The following BIRC6 variants were observed in gnomAD, a reference collection of about 807,000 sequenced individuals.
BIRC6 encodes dual E2 ubiquitin-conjugating enzyme/E3 ubiquitin-protein ligase BIRC6.
Under a neutral mutation model 503.3 loss-of-function variants are expected in BIRC6, and 98 were observed. The observed-to-expected ratio is 0.19, with a 90% CI of 0.17 to 0.23. BIRC6 has a LOEUF of 0.23. Among genes scored for constraint, BIRC6 ranks in the 10% least tolerant of loss-of-function variants. BIRC6 has a pLI of 1.00. For synonymous variants in BIRC6, 2,240 were observed against 2,078.7 expected (o/e 1.08, Z -2.11); for missense variants, 5,360 against 5,806.0 (o/e 0.92, Z 2.50).
At chr2:32,529,885 A>G (rs1558981946) in intron 60 of BIRC6, 61 bp downstream of exon 60, 12 of 1,095,132 alleles carry the variant, frequency 1.1e-5, no homozygotes, top group Non-Finnish European at 1.3e-5. Flanking sequence ...AGAGATTTCT[A>G]TAGCTAATGA....
At chr2:32,617,326 G>A (rs756617977) in intron 73 of BIRC6, among the ~76,000 whole-genome samples, 4 of 152,128 alleles carry the variant, frequency 2.6e-5, no homozygotes, top group Admixed American at 6.5e-5. Flanking sequence ...ACTTGAACCC[G>A]GGAGGCGGAG....
chr2:32,543,818 C>T (rs1196256279), intron 62 of BIRC6, among the ~76,000 whole-genome samples: 2 of 152,122 alleles, frequency 1.3e-5, no homozygotes, highest in Admixed American at 6.6e-5. Flanking sequence ...TTAGAGCTAC[C>T]CCCAAGTAGC....
chr2:32,480,703 G>A (rs772688852), intron 37 of BIRC6, among the ~76,000 whole-genome samples: 24 of 122,922 alleles, frequency 2.0e-4, no homozygotes, highest in Non-Finnish European at 3.5e-4. Context: ...GCACAATGGC[G>A]TGATCTCAGC....
intron 65 of BIRC6, among the ~76,000 whole-genome samples, chr2:32,554,437 A>G (rs1022550570): frequency 1.3e-5 from 2 of 152,126 alleles, no homozygotes; most frequent in Admixed American, 6.5e-5. Flanking sequence ...AAACTCACTT[A>G]TTTTCAAGTT....
intron 65 of BIRC6, chr2:32,565,087 G>T (rs942090677): frequency 6.6e-6 from 1 of 152,236 alleles, no homozygotes; most frequent in Middle Eastern, 3.2e-3. Context: ...TAAAGAGTAT[G>T]TACCAGTTTC....
At chr2:32,494,522 G>A (rs2052186772) in intron 45 of BIRC6, among the ~76,000 whole-genome samples, 1 of 151,732 alleles carries the variant, frequency 6.6e-6, no homozygotes, top group South Asian at 2.1e-4. Context: ...CACTGTGCCT[G>A]GCCGAAAAGT....
chr2:32,597,722 C>T, intron 68 of BIRC6, 29 bp from the exon 69 acceptor site: 1 of 1,550,220 alleles, frequency 6.5e-7, no homozygotes, highest in South Asian at 1.1e-5. Flanking sequence ...TTTTGCAGTT[C>T]TGGGTTTTAT....
intron 72 of BIRC6, among the ~76,000 whole-genome samples, chr2:32,607,951 G>A (rs1041716694): frequency 1.0e-4 from 12 of 116,148 alleles, no homozygotes; most frequent in South Asian, 6.3e-4. Context: ...CAGCCTGGGT[G>A]ACAGCAGAGC....
chr2:32,397,798 C>T (rs2040137292), intron 6 of BIRC6, among the ~76,000 whole-genome samples: 1 of 151,824 alleles, frequency 6.6e-6, no homozygotes. Context: ...AAAAGTTATA[C>T]AGTATTATCA....
At chr2:32,507,919 A>G (rs960092552) in intron 50 of BIRC6, 61 bp from the exon 51 acceptor site, 1 of 1,458,390 alleles carries the variant, frequency 6.9e-7, no homozygotes. Flanking sequence ...TGGGATTTTA[A>G]TAAACTGTTC....
chr2:32,451,068 C>G (rs1435689848), intron 22 of BIRC6, among the ~76,000 whole-genome samples: 3 of 152,146 alleles, frequency 2.0e-5, no homozygotes, highest in African/African-American at 4.8e-5. Context: ...CATCTTGAAC[C>G]CATACTACAA....
intron 40 of BIRC6, 73 bp from the exon 41 acceptor site, chr2:32,487,574 A>G (rs1023093132): frequency 4.5e-6 from 6 of 1,334,674 alleles, no homozygotes; most frequent in Non-Finnish European, 5.3e-6. Context: ...TAACCTATTT[A>G]TACATATGAA....
chr2:32,392,177 T>TAGAAAAG lies in BIRC6; in HGVS notation c.951+27_951+28insAGAAAAG, dbSNP rs558819478. On this transcript the variant is annotated intron_variant, in intron 5 of 73. Transcript: ENST00000421745. Reference sequence around the variant, plus strand: ...TAAAAAAAGAATATAAAAAAATACTTTTCTCAGTAGGCCTTTGTAGCCCTC... The same window carrying TAGAAAAG: ...TAAAAAAAGAATATAAAAAAATACTTAGAAAAGTTCTCAGTAGGCCTTTGTAGCCCTC... 8.6e-4 allele frequency: 1,270 copies of TAGAAAAG among 1,473,292 alleles called. 16 individuals are homozygous for TAGAAAAG. The South Asian group carries it at 0.015, about 18-fold the overall frequency. 91.3% of individuals were successfully genotyped at this position (1,473,292 alleles called of 1,614,324 possible). A position where few individuals can be genotyped will look rare whatever the true frequency, so the allele number is the denominator to read the frequency against.
intron 46 of BIRC6, 92 bp downstream of exon 46, chr2:32,500,201 T>A (rs1022129474): frequency 8.3e-7 from 1 of 1,207,370 alleles, no homozygotes; most frequent in South Asian, 1.5e-5. Context: ...CTTTTTACTT[T>A]ATAGTGTAAA....
At chr2:32,604,895 C>CTTTTTTTT (rs11288979) in intron 71 of BIRC6, among the ~76,000 whole-genome samples, 1 of 133,560 alleles carries the variant, frequency 7.5e-6, no homozygotes, top group African/African-American at 2.8e-5. Flanking sequence ...CTTTTCTTTT[C>CTTTTTTTT]TTTTTTTTTT....
At chr2:32,567,980 C>T (rs768527502) in intron 65 of BIRC6, among the ~76,000 whole-genome samples, 14 of 151,968 alleles carry the variant, frequency 9.2e-5, no homozygotes, top group African/African-American at 1.9e-4. Context: ...GGCATGGTGG[C>T]GGGCACCTGT....
At chr2:32,427,550 T>C (rs1209197114) in intron 10 of BIRC6, among the ~76,000 whole-genome samples, 8 of 152,184 alleles carry the variant, frequency 5.3e-5, no homozygotes, top group Admixed American at 4.6e-4. Context: ...TCTCCCAAGG[T>C]GCTGGGATAA....
intron 20 of BIRC6, among the ~76,000 whole-genome samples, chr2:32,444,552 T>C (rs2045760603): frequency 6.6e-6 from 1 of 152,180 alleles, no homozygotes; most frequent in Admixed American, 6.5e-5. Flanking sequence ...CCAAATTTTA[T>C]TTATTGATAG....
intron 3 of BIRC6, among the ~76,000 whole-genome samples, chr2:32,386,775 T>C (rs1313707738): frequency 1.3e-5 from 2 of 152,194 alleles, no homozygotes; most frequent in East Asian, 1.9e-4. Context: ...TCTAAAAAAT[T>C]TCTTCAGGAA....
Sources: gnomAD v4.1 joint callset for allele counts (sites outside exome capture counted in the v4.1 genomes callset) on GRCh38, gnomAD v4.1.1 for gene constraint, MANE v1.5 for transcripts, NCBI Gene and HGNC (gene_info 2026-07-23, HGNC 2026-07-21) for gene names.